STXBP5L: variants seen among roughly 807,000 people sequenced by gnomAD.
The protein encoded by STXBP5L is syntaxin binding protein 5L.
Under a neutral mutation model 144.5 loss-of-function variants are expected in STXBP5L, and 65 were observed. The observed-to-expected ratio is 0.45, with a 90% confidence interval of 0.37 to 0.55. STXBP5L has a LOEUF of 0.55. Ranked by LOEUF, STXBP5L falls within the 20% of genes least tolerant of loss-of-function variation. STXBP5L has a pLI of 0.00. For synonymous variants in STXBP5L, 505 were observed against 469.6 expected (o/e 1.08, Z -0.97); for missense variants, 1,298 against 1,405.5 (o/e 0.92, Z 1.22).
At chr3:120,919,538 C>G (rs1709263723) in intron 2 of STXBP5L, among the ~76,000 whole-genome samples, 1 of 151,896 alleles carries the variant, frequency 6.6e-6, no homozygotes, top group African/African-American at 2.4e-5. Context: ...TCTCTGCCAT[C>G]CTATGGTAGT....
chr3:120,971,137 T>G (rs554938273), intron 3 of STXBP5L, among the ~76,000 whole-genome samples: 5 of 152,158 alleles, frequency 3.3e-5, no homozygotes, highest in African/African-American at 4.8e-5. Context: ...CATCTGGGCA[T>G]TGGGAAAAAT....
At chr3:121,040,720 G>T (rs1204193206) in intron 3 of STXBP5L, among the ~76,000 whole-genome samples, 1 of 151,918 alleles carries the variant, frequency 6.6e-6, no homozygotes, top group Non-Finnish European at 1.5e-5. Flanking sequence ...TTTTATCTGG[G>T]TTCCCCTTCC....
intron 3 of STXBP5L, among the ~76,000 whole-genome samples, chr3:121,025,178 A>T (rs1481325300): frequency 6.6e-6 from 1 of 152,126 alleles, no homozygotes. Context: ...ATATTTCTTT[A>T]AAGGGAGTTT....
Position 121,406,611 on chromosome 3 carries a change from C to G in STXBP5L, c.2588-632C>G, listed in dbSNP as rs1401971772. On this transcript the variant is annotated intron_variant, in intron 22 of 26. Coordinates refer to ENST00000471454, the MANE Select transcript of STXBP5L (RefSeq NM_001308330.2). ...TGGAGAATCCAGGTGAGTAAAACCC[C>G]TTTCTGTGTAAAGATGCAAAAGCCT... Among the ~76,000 whole-genome samples, 3 of 151,928 alleles carry G rather than the reference C, an allele frequency of 2.0e-5. No homozygotes were observed. In the South Asian group the frequency reaches 6.2e-4, roughly 32 times the overall value.
At chr3:121,179,321 A>G (rs1372758797) in intron 9 of STXBP5L, among the ~76,000 whole-genome samples, 1 of 152,174 alleles carries the variant, frequency 6.6e-6, no homozygotes, top group Non-Finnish European at 1.5e-5. Context: ...AGGAACTGAT[A>G]CAAAGTCTTC....
intron 10 of STXBP5L, among the ~76,000 whole-genome samples, chr3:121,211,188 T>C (rs1443994259): frequency 6.6e-6 from 1 of 152,208 alleles, no homozygotes; most frequent in Non-Finnish European, 1.5e-5. Flanking sequence ...ATTCTCTTTG[T>C]AGCAATTGTG....
In STXBP5L at chr3:121,126,242, A is replaced by G. The variant is rs192716922; in HGVS notation, c.669+4538A>G. Among the ~76,000 whole-genome samples, 19 of 152,282 alleles carry G rather than the reference A, an allele frequency of 1.2e-4. No individual in the cohort carries two copies. The East Asian group carries it at 3.7e-3, about 29-fold the overall frequency. On this transcript the variant is annotated intron_variant, in intron 7 of 26. Coordinates refer to ENST00000471454, the MANE Select transcript of STXBP5L (RefSeq NM_001308330.2). ...CTGGCATGCTGCCTGTTTTCTCAAAATGTTTTATTGAACACAGCCATGCTC... is the reference window on the plus strand; with the variant it reads ...CTGGCATGCTGCCTGTTTTCTCAAAGTGTTTTATTGAACACAGCCATGCTC...
chr3:120,967,831 C>A (rs945776024), intron 3 of STXBP5L, among the ~76,000 whole-genome samples: 1 of 152,084 alleles, frequency 6.6e-6, no homozygotes, highest in Non-Finnish European at 1.5e-5. Flanking sequence ...AGAAAATTTT[C>A]AATTTTCTTT....
intron 3 of STXBP5L, among the ~76,000 whole-genome samples, chr3:120,958,708 T>C (rs1213174033): frequency 4.6e-5 from 7 of 152,200 alleles, no homozygotes; most frequent in Admixed American, 4.6e-4. Context: ...TCAACAGCCC[T>C]TCATGCTAAA....
intron 9 of STXBP5L, among the ~76,000 whole-genome samples, chr3:121,197,898 A>G (rs112133747): frequency 6.6e-6 from 1 of 152,168 alleles, no homozygotes; most frequent in East Asian, 1.9e-4. Context: ...TCTATCACTG[A>G]TGGACATTTG....
At chr3:121,381,724 G>A (rs1560041176) in intron 22 of STXBP5L, among the ~76,000 whole-genome samples, 192 bp downstream of exon 22, 1 of 152,110 alleles carries the variant, frequency 6.6e-6, no homozygotes, top group Non-Finnish European at 1.5e-5. Flanking sequence ...TGGGGTAAAA[G>A]AGTACAACCA....
intron 5 of STXBP5L, among the ~76,000 whole-genome samples, chr3:121,111,608 C>T (rs1427863609): frequency 6.6e-6 from 1 of 152,174 alleles, no homozygotes; most frequent in Non-Finnish European, 1.5e-5. Context: ...TCTCTGGGAG[C>T]TCCATCCCAG....
At chr3:121,288,235 A>G (rs1264302056) in intron 19 of STXBP5L, among the ~76,000 whole-genome samples, 1 of 152,148 alleles carries the variant, frequency 6.6e-6, no homozygotes, top group Admixed American at 6.5e-5. Flanking sequence ...AATCCAGTCT[A>G]CTGTTGATGG....
chr3:121,391,085 T>C (rs2046572051), intron 22 of STXBP5L, among the ~76,000 whole-genome samples: 1 of 152,182 alleles, frequency 6.6e-6, no homozygotes, highest in East Asian at 1.9e-4. Context: ...TTCATTTCTT[T>C]TTACTTTTCT....
At chr3:121,058,364 C>G (rs546542494) in intron 5 of STXBP5L, among the ~76,000 whole-genome samples, 1 of 152,290 alleles carries the variant, frequency 6.6e-6, no homozygotes, top group African/African-American at 2.4e-5. Context: ...TTTACTTTAT[C>G]CAGTCTATCA....
At chr3:120,983,239 C>T (rs1342773855) in intron 3 of STXBP5L, among the ~76,000 whole-genome samples, 1 of 151,900 alleles carries the variant, frequency 6.6e-6, no homozygotes, top group Non-Finnish European at 1.5e-5. Flanking sequence ...GTGGTGCTGG[C>T]TTCAGTGGAG....
At chr3:120,970,692 A>G (rs1940145103) in intron 3 of STXBP5L, among the ~76,000 whole-genome samples, 1 of 152,050 alleles carries the variant, frequency 6.6e-6, no homozygotes, top group Non-Finnish European at 1.5e-5. Context: ...CTATACCTGG[A>G]CGATGTCTTC....
intron 3 of STXBP5L, among the ~76,000 whole-genome samples, chr3:120,979,103 C>T (rs1450185308): frequency 6.6e-6 from 1 of 152,230 alleles, no homozygotes; most frequent in East Asian, 1.9e-4. Flanking sequence ...TTTAAGTCTG[C>T]AGAGGTTACT....
chr3:121,154,085 T>C (rs2046032985), intron 8 of STXBP5L, among the ~76,000 whole-genome samples: 1 of 151,750 alleles, frequency 6.6e-6, no homozygotes, highest in African/African-American at 2.4e-5. Flanking sequence ...GAAGAAACGT[T>C]TTGAGCCTTA....
Sources: allele counts gnomAD v4.1 joint callset (sites outside exome capture counted in the v4.1 genomes callset), GRCh38; gene constraint gnomAD v4.1.1; transcripts MANE v1.5; gene names NCBI Gene and HGNC (gene_info 2026-07-23, HGNC 2026-07-21).